The following LRFN5 variants were observed in gnomAD, a reference collection of about 807,000 sequenced individuals.
LRFN5 encodes leucine rich repeat and fibronectin type III domain containing 5.
In LRFN5, 24 loss-of-function variants were observed where a neutral mutation model predicts 45.6. The ratio of observed to expected loss-of-function variants is 0.53; its 90% CI spans 0.38 to 0.74. The LOEUF (loss-of-function observed/expected upper bound fraction) is 0.74, where lower values mean the gene tolerates loss of function less well. Among genes scored for constraint, LRFN5 ranks in the 30% least tolerant of loss-of-function variants. LRFN5 has a pLI of 0.00. For missense variants in LRFN5, 776 were observed against 861.5 expected (o/e 0.90, Z 1.24); for synonymous variants, 340 against 313.8 (o/e 1.08, Z -0.88).
intron 1 of LRFN5, among the ~76,000 whole-genome samples, chr14:41,684,636 A>G (rs1882044227): frequency 6.6e-6 from 1 of 152,224 alleles, no homozygotes; most frequent in African/African-American, 2.4e-5. Context: ...GCCAAACCAT[A>G]TCACTTGCCA....
intron 1 of LRFN5, among the ~76,000 whole-genome samples, chr14:41,664,269 A>G (rs7148077): frequency 0.3 from 46,257 of 151,850 alleles, 7,235 homozygotes; most frequent in Middle Eastern, 0.39. Context: ...AATCATATTT[A>G]AAACTGCTAA....
At chr14:41,649,309 TAA>T (rs1174990359) in intron 1 of LRFN5, among the ~76,000 whole-genome samples, 2 of 149,700 alleles carry the variant, frequency 1.3e-5, no homozygotes, top group Non-Finnish European at 3.0e-5. Flanking sequence ...AGAATTTTAA[TAA>T]TATTGAGAAA....
intron 2 of LRFN5, among the ~76,000 whole-genome samples, chr14:41,781,981 G>T (rs1886544989): frequency 6.6e-6 from 1 of 151,912 alleles, no homozygotes; most frequent in Non-Finnish European, 1.5e-5. Flanking sequence ...TTTATAATTT[G>T]AACATTCTCT....
At chr14:41,687,124 T>C (rs992925400) in intron 1 of LRFN5, among the ~76,000 whole-genome samples, 1 of 152,052 alleles carries the variant, frequency 6.6e-6, no homozygotes, top group Non-Finnish European at 1.5e-5. Context: ...TATTTATACT[T>C]TACAAGGGGC....
chr14:41,801,731 C>T (rs1393743709), intron 2 of LRFN5, among the ~76,000 whole-genome samples: 1 of 152,156 alleles, frequency 6.6e-6, no homozygotes, highest in African/African-American at 2.4e-5. Flanking sequence ...CTCACCCTGC[C>T]AGTTTTGAGT....
At chr14:41,779,639 A>C (rs1291667766) in intron 2 of LRFN5, among the ~76,000 whole-genome samples, 1 of 151,864 alleles carries the variant, frequency 6.6e-6, no homozygotes, top group African/African-American at 2.4e-5. Context: ...TGATTTACTC[A>C]ATGTCCGTTA....
chr14:41,754,508 C>T (rs1046801143), intron 1 of LRFN5, among the ~76,000 whole-genome samples: 6 of 152,010 alleles, frequency 3.9e-5, no homozygotes, highest in African/African-American at 1.5e-4. Context: ...GTTTATGCAT[C>T]GAGGAATTTA....
rs574927011 is a variant in LRFN5, at chr14:41,881,862, T to C, written c.-20-4744T>C. On this transcript the variant is annotated intron_variant, in intron 2 of 5. Transcript: ENST00000298119. ...ATCTCTGCTAAAATTACCCATCAAA[T>C]CATGCATGATGTCCATCTTTTCCTG... Among the ~76,000 whole-genome samples, 15 of 152,350 alleles carry C rather than the reference T, an allele frequency of 9.8e-5. No individual in the cohort carries two copies. The East Asian group carries it at 2.9e-3, about 29-fold the overall frequency.
intron 1 of LRFN5, among the ~76,000 whole-genome samples, chr14:41,755,729 T>A (rs1038625283): frequency 1.5e-4 from 23 of 152,360 alleles, no homozygotes; most frequent in African/African-American, 5.5e-4. Flanking sequence ...AATTTGCCAG[T>A]CTGTGTCTTT....
intron 1 of LRFN5, among the ~76,000 whole-genome samples, chr14:41,717,676 C>T (rs1307803822): frequency 1.3e-5 from 2 of 152,172 alleles, no homozygotes; most frequent in African/African-American, 4.8e-5. Context: ...TTAAGGGTTA[C>T]ACTAGTTTTT....
intron 2 of LRFN5, among the ~76,000 whole-genome samples, chr14:41,831,628 A>G (rs1238839015): frequency 3.9e-5 from 6 of 152,164 alleles, no homozygotes; most frequent in Admixed American, 3.9e-4. Context: ...TCTTCCTTAA[A>G]CTGAATACAC....
chr14:41,890,615 GAGA>G (rs1421724122), intron 3 of LRFN5, among the ~76,000 whole-genome samples: 20 of 151,498 alleles, frequency 1.3e-4, no homozygotes, highest in Non-Finnish European at 2.6e-4. Context: ...GCTGAGGCAG[GAGA>G]ATGGCGTGAA....
At chr14:41,827,487 G>A (rs960206164) in intron 2 of LRFN5, among the ~76,000 whole-genome samples, 2 of 151,718 alleles carry the variant, frequency 1.3e-5, no homozygotes, top group African/African-American at 2.4e-5. Flanking sequence ...TTTGCTAGAG[G>A]AAATATCAAG....
chr14:41,811,884 A>G (rs1887748094), intron 2 of LRFN5, among the ~76,000 whole-genome samples: 1 of 152,098 alleles, frequency 6.6e-6, no homozygotes, highest in African/African-American at 2.4e-5. Context: ...ACACACTAGA[A>G]CCCTTTGAAT....
intron 1 of LRFN5, among the ~76,000 whole-genome samples, chr14:41,763,293 T>C (rs1413534105): frequency 1.3e-5 from 2 of 152,234 alleles, no homozygotes; most frequent in African/African-American, 4.8e-5. Flanking sequence ...AAGTCCTACC[T>C]TTGTTGATTT....
intron 1 of LRFN5, among the ~76,000 whole-genome samples, chr14:41,729,596 G>A (rs1294006877): frequency 6.6e-6 from 1 of 151,944 alleles, no homozygotes; most frequent in Non-Finnish European, 1.5e-5. Context: ...ATACAGGAAA[G>A]AATACATTAT....
At chr14:41,738,736 T>C (rs918825403) in intron 1 of LRFN5, among the ~76,000 whole-genome samples, 2 of 152,212 alleles carry the variant, frequency 1.3e-5, no homozygotes, top group African/African-American at 4.8e-5. Flanking sequence ...GAATCTCTGA[T>C]AGCTTTCAAT....
intron 1 of LRFN5, among the ~76,000 whole-genome samples, chr14:41,760,816 A>C (rs1225453543): frequency 2.0e-5 from 3 of 152,090 alleles, no homozygotes; most frequent in Non-Finnish European, 2.9e-5. Flanking sequence ...AAGGATCTAC[A>C]TAAGGGGATT....
At chr14:41,819,127 G>A (rs548522794) in intron 2 of LRFN5, among the ~76,000 whole-genome samples, 2 of 152,084 alleles carry the variant, frequency 1.3e-5, no homozygotes, top group South Asian at 2.1e-4. Context: ...CATTTTAATC[G>A]AATTATCCAT....
Sources: gnomAD v4.1 joint callset for allele counts (sites outside exome capture counted in the v4.1 genomes callset) on GRCh38, gnomAD v4.1.1 for gene constraint, MANE v1.5 for transcripts, NCBI Gene and HGNC (gene_info 2026-07-23, HGNC 2026-07-21) for gene names.